Variants in WDR62 observed in about 807,000 individuals in gnomAD.
WDR62 encodes the protein WD repeat domain 62, also known as WD repeat-containing protein 62.
In WDR62, 112 loss-of-function variants were observed where a neutral mutation model predicts 160.6. The observed-to-expected ratio is 0.70, with a 90% CI of 0.60 to 0.82. WDR62 has a LOEUF of 0.82. WDR62 is among the 40% of genes least tolerant of loss of function. The pLI, the probability that WDR62 is intolerant of heterozygous loss-of-function variation, is 0.00. For synonymous variants in WDR62, 792 were observed against 815.1 expected (o/e 0.97, Z 0.48); for missense variants, 1,819 against 1,983.8 (o/e 0.92, Z 1.58).
At chr19:36,090,889 T>G (rs1394578980) in intron 16 of WDR62, among the ~76,000 whole-genome samples, 1 of 152,220 alleles carries the variant, frequency 6.6e-6, no homozygotes, top group Non-Finnish European at 1.5e-5. Context: ...TGGGTTCAGG[T>G]TCTGCCTCAG....
Position 36,094,112 on chromosome 19 carries a change from G to C in WDR62, c.2415G>C (p.Glu805Asp). 6.2e-7 allele frequency: 1 copy of C among 1,614,202 alleles called. No homozygotes were observed. The highest frequency in any genetic ancestry group is 8.5e-7 in the Non-Finnish European group (1 of 1,180,028). The change falls in exon 20 of 32, where the codon GAG (glutamate) becomes GAC (aspartate). Residue 805 changes from glutamate (E) to aspartate (D), a missense_variant. By Grantham distance (45) the Glu-to-Asp change is conservative. Around this residue, in one of 3 missense-constraint regions of WDR62, gnomAD observed 934 missense variants for 1,157.2 expected, o/e 0.81. Transcript: ENST00000401500. ...AAACAGAGGATGATCTGGAGGAAGA[G>C]TGTGAGCCAGAAGAGATGCTGAAGA... Reference protein sequence around the residue: ...GEQTEDDLEEECEPEEMLKTP... With the variant: ...GEQTEDDLEEDCEPEEMLKTP...
rs749480549 is a variant in WDR62, at chr19:36,073,322, T to A, written c.1044-20T>A. The A allele has an allele frequency of 1.2e-6, 2 of 1,613,736 alleles. No individual in the cohort carries two copies. Among genetic ancestry groups the A allele is most frequent in the Non-Finnish European group, 1.7e-6 (2 of 1,179,630 alleles). On this transcript the variant is annotated intron_variant, in intron 8 of 31. Coordinates refer to ENST00000401500, the MANE Select transcript of WDR62 (RefSeq NM_001083961.2). ...CTCAGTGACATTGATGGTGATTGAT[T>A]ACCCATGTGGCCTTGTTAGCTTCCT...
In WDR62 at chr19:36,055,074, C is replaced by T. The variant is rs919314171; in HGVS notation, c.103C>T (p.Pro35Ser). 2 of 1,596,886 alleles carry T rather than the reference C, an allele frequency of 1.3e-6. No homozygotes were observed. The highest frequency in any genetic ancestry group is 1.3e-5 in the African/African-American group (1 of 74,676). Reference protein sequence around the residue: ...VPARRGQSSPPPAPPICLRRR... With the variant: ...VPARRGQSSPSPAPPICLRRR... ...GGCGCGGAGGGGCCAGTCCTCCCCGCCCCCCGCCCCACCAATCTGCCTACG... is the reference window on the plus strand; with the variant it reads ...GGCGCGGAGGGGCCAGTCCTCCCCGTCCCCCGCCCCACCAATCTGCCTACG... Residue 35 changes from proline to serine, a missense_variant, in exon 1 of 32, where the codon CCC becomes TCC. Coordinates refer to ENST00000401500, the MANE Select transcript of WDR62 (RefSeq NM_001083961.2).
rs1365163400 is a variant in WDR62 at position 36,054,942 on chromosome 19, A to G, written c.-30A>G. The G allele has an allele frequency of 1.3e-6, 2 of 1,559,266 alleles. No individual in the cohort carries two copies. The highest frequency in any genetic ancestry group is 1.7e-6 in the Non-Finnish European group (2 of 1,154,142). ...CGGTGGCGGCAGCGGCGGTTAGGGG[A>G]TGTAACGGTCGCCCGCCTCCGGCGT... On this transcript the variant is annotated 5_prime_UTR_variant, in exon 1 of 32. An upstream start codon of the reference 5' UTR is lost. Coordinates refer to ENST00000401500, the MANE Select transcript of WDR62 (RefSeq NM_001083961.2).
intron 7 of WDR62, chr19:36,071,131 G>A: frequency 4.9e-6 from 1 of 202,258 alleles, no homozygotes; most frequent in Non-Finnish European, 1.0e-5. Context: ...TTGAACCCAG[G>A]AGGTGGAAGT....
chr19:36,062,447 T>TGAGACCAGCCTGGGGAACATGGC (rs1360152664), intron 3 of WDR62: 1 of 151,694 alleles, frequency 6.6e-6, no homozygotes, highest in African/African-American at 2.4e-5. Flanking sequence ...GTCAGGAGTT[T>TGAGACCAGCCTGGGGAACATGGC]GAGACCAGCC....
rs772090736 is a variant in WDR62 at position 36,067,903 on chromosome 19, G to A, written c.775G>A (p.Ala259Thr). 1.2e-6 allele frequency: 2 copies of A among 1,614,208 alleles called. No homozygotes were observed. The highest frequency in any genetic ancestry group is 1.1e-5 in the South Asian group (1 of 91,078). The change falls in exon 7 of 32, where the codon GCC becomes ACC. Residue 259 changes from alanine (A) to threonine (T), a missense_variant. Ala to Thr is a moderately conservative substitution (Grantham distance 58). This residue lies in a region of WDR62 where 934 missense variants were observed against 1,157.2 expected (regional missense o/e 0.81). Coordinates refer to ENST00000401500, the MANE Select transcript of WDR62 (RefSeq NM_001083961.2). ...ELHNNIFCGVACGRGRMAGST... is the reference protein window; with the variant it reads ...ELHNNIFCGVTCGRGRMAGST... Reference sequence around the variant, plus strand: ...GCACAACAACATCTTCTGTGGTGTGGCCTGCGGTCGGGGCCGGATGGCGGG... The same window carrying A: ...GCACAACAACATCTTCTGTGGTGTGACCTGCGGTCGGGGCCGGATGGCGGG...
At chr19:36,065,851 G>A (rs1014043778) in intron 3 of WDR62, 107 bp from the exon 4 acceptor site, 46 of 1,125,052 alleles carry the variant, frequency 4.1e-5, no homozygotes, top group African/African-American at 3.4e-4. Flanking sequence ...GGCCTCTTCC[G>A]AGGCTTGGGA....
intron 9 of WDR62, chr19:36,074,182 C>T (rs1008760444): frequency 5.5e-6 from 1 of 181,364 alleles, no homozygotes; most frequent in Non-Finnish European, 1.2e-5. Flanking sequence ...CGTGTGGTCC[C>T]AGCTACTCAA....
intron 3 of WDR62, chr19:36,060,797 C>CT (rs934806919): frequency 3.3e-5 from 5 of 152,272 alleles, no homozygotes; most frequent in African/African-American, 9.6e-5. Context: ...TGTGAGCACT[C>CT]TTGAGAGCAG....
chr19:36,081,473 C>T lies in WDR62; in HGVS notation c.1274C>T (p.Ser425Leu). 2 of 1,614,138 alleles carry T rather than the reference C, an allele frequency of 1.2e-6. No individual in the cohort carries two copies. Among genetic ancestry groups the T allele is most frequent in the East Asian group, 2.2e-5 (1 of 44,882 alleles). ...GAAGACCAGAGAGCTTGTTTGCCAT[C>T]AGGATCCTTTCTGACTTGTTCTTCA... ...EFEDQRACLP[S>L]GSFLTCSSDN... Residue 425 changes from serine (S) to leucine (L), a missense_variant, in exon 10 of 32, where the codon TCA (serine) becomes TTA (leucine). Transcript: ENST00000401500.
At chr19:36,091,376 G>A in intron 17 of WDR62, 26 bp from the exon 18 acceptor site, 3 of 1,189,682 alleles carry the variant, frequency 2.5e-6, no homozygotes, top group East Asian at 4.0e-5. Flanking sequence ...CCGAAGGCAA[G>A]TGCAGCCTCT....
chr19:36,105,755 G>A (rs1213044191), downstream of WDR62, among the ~76,000 whole-genome samples: 1 of 152,128 alleles, frequency 6.6e-6, no homozygotes, highest in Non-Finnish European at 1.5e-5. Context: ...CTAGAGTGCA[G>A]TGGTGCGATC....
rs780404185 is a variant in WDR62 at position 36,054,963 on chromosome 19, G to C, written c.-9G>C. On this transcript the variant is annotated 5_prime_UTR_variant, in exon 1 of 32. Transcript: ENST00000401500. ...GGGGATGTAACGGTCGCCCGCCTCC[G>C]GCGTGACGATGGCGGCCGTAGGGTC... 8.2e-6 allele frequency: 13 copies of C among 1,589,022 alleles called. No homozygotes were observed. The highest frequency in any genetic ancestry group is 1.1e-5 in the Non-Finnish European group (13 of 1,169,248).
intron 7 of WDR62, 138 bp downstream of exon 7, chr19:36,068,148 G>A (rs539504809): frequency 3.6e-6 from 4 of 1,115,322 alleles, no homozygotes; most frequent in East Asian, 2.6e-5. Flanking sequence ...TGAGCTTAAG[G>A]TTCCACATCT....
At position 36,099,444 on chromosome 19, in the gene WDR62, C is replaced by T. The variant is rs370558837; in HGVS notation, c.2566C>T (p.Arg856Cys). The change falls in exon 22 of 32, where the codon CGC becomes TGC. Residue 856 changes from arginine (R) to cysteine (C), a missense_variant. Transcript: ENST00000401500. Reference protein sequence around the residue: ...VADGLAFHAKRSYQPHGRWAE... With the variant: ...VADGLAFHAKCSYQPHGRWAE... ...AGATGGCTTGGCCTTCCACGCCAAG[C>T]GCAGCTACCAGCCCCACGGCCGCTG... 1.4e-5 allele frequency: 22 copies of T among 1,613,652 alleles called. No homozygotes were observed. In the Admixed American group the frequency reaches 2.7e-4, roughly 20 times the overall value.
At chr19:36,097,563 AGAGT>A (rs1973049731) in intron 21 of WDR62, among the ~76,000 whole-genome samples, 1 of 152,128 alleles carries the variant, frequency 6.6e-6, no homozygotes, top group African/African-American at 2.4e-5. Context: ...CGTGGGCAAC[AGAGT>A]GAGATCCTGT....
At chr19:36,109,622 T>C (rs963261499), downstream of WDR62, among the ~76,000 whole-genome samples, 4 of 151,430 alleles carry the variant, frequency 2.6e-5, no homozygotes, top group Non-Finnish European at 5.9e-5. Flanking sequence ...TAGTCCCAGC[T>C]ACTTGGGGGA....
At chr19:36,058,980 G>A (rs1970506774) in intron 2 of WDR62, 109 bp downstream of exon 2, 1 of 895,228 alleles carries the variant, frequency 1.1e-6, no homozygotes, top group African/African-American at 1.6e-5. Flanking sequence ...CCTGTAGAAT[G>A]TGGAGAATGG....
Sources: gnomAD v4.1 joint callset for allele counts (sites outside exome capture counted in the v4.1 genomes callset) on GRCh38, gnomAD v4.1.1 for gene constraint, gnomAD v4.1.1 regional missense constraint, MANE v1.5 for transcripts, NCBI Gene and HGNC (gene_info 2026-07-23, HGNC 2026-07-21) for gene names.